UGT1A7: variants seen among roughly 807,000 people sequenced by gnomAD.
The protein encoded by UGT1A7 is UDP-glucuronosyltransferase 1A7.
UGT1A7 carries 33 observed loss-of-function variants against 45.6 expected under a neutral mutation model. That is an observed-to-expected ratio of 0.72 (90% CI 0.55 to 0.97). The LOEUF (loss-of-function observed/expected upper bound fraction) is 0.97, where lower values mean the gene tolerates loss of function less well. Among genes scored for constraint, UGT1A7 ranks in the 50% least tolerant of loss-of-function variants. UGT1A7 has a pLI of 0.00. For missense variants in UGT1A7, 684 were observed against 666.2 expected, an observed-to-expected ratio of 1.03 and a Z score of -0.29; for synonymous variants, 274 against 250.6, an observed-to-expected ratio of 1.09 and a Z score of -0.88.
chr2:233,723,516 CTTTTTT>C (rs1162916866), intron 1 of UGT1A7, among the ~76,000 whole-genome samples: 5 of 85,406 alleles, frequency 5.9e-5, no homozygotes, highest in African/African-American at 2.4e-4. Context: ...GGTCAACAAT[CTTTTTT>C]TTTTTTTTTT....
intron 1 of UGT1A7, among the ~76,000 whole-genome samples, chr2:233,739,383 G>A (rs1385341432): frequency 6.6e-6 from 1 of 152,210 alleles, no homozygotes; most frequent in South Asian, 2.1e-4. Context: ...GTGCCTGGAA[G>A]AGCCACAGAC....
chr2:233,702,819 G>A (rs1051674294), intron 1 of UGT1A7, among the ~76,000 whole-genome samples: 1 of 152,164 alleles, frequency 6.6e-6, no homozygotes, highest in Non-Finnish European at 1.5e-5. Flanking sequence ...CCACTTGATT[G>A]TGTTGTATAA....
At chr2:233,707,992 C>T (rs1304357209) in intron 1 of UGT1A7, among the ~76,000 whole-genome samples, 2 of 152,156 alleles carry the variant, frequency 1.3e-5, no homozygotes, top group Non-Finnish European at 2.9e-5. Flanking sequence ...GTTGTCTACT[C>T]GAATTATGTA....
In UGT1A7 at chr2:233,749,593, A is replaced by G. The variant is rs751828786; in HGVS notation, c.856-17441A>G. Among the ~76,000 whole-genome samples the G allele has an allele frequency of 2.6e-5, 4 of 151,948 alleles. No individual in the cohort carries two copies. In the South Asian group the frequency reaches 8.3e-4, roughly 32 times the overall value. On this transcript the variant is annotated intron_variant, in intron 1 of 4. Coordinates refer to ENST00000373426, the MANE Select transcript of UGT1A7 (RefSeq NM_019077.3). ...GGCCACTGACTCTGTCTCAACATGA[A>G]GTCACACTAGATTTATCATGATTTG... is the stretch of plus-strand genomic sequence containing the variant.
intron 1 of UGT1A7, chr2:233,755,047 C>T (rs1236246701): frequency 7.5e-7 from 1 of 1,329,234 alleles, no homozygotes; most frequent in Non-Finnish European, 1.0e-6. Context: ...GCGCAGCCGC[C>T]CTCCGCCCTC....
At chr2:233,725,334 T>G (rs2077438073) in intron 1 of UGT1A7, among the ~76,000 whole-genome samples, 1 of 108,502 alleles carries the variant, frequency 9.2e-6, no homozygotes, top group Admixed American at 9.8e-5. Context: ...TCAACAATCT[T>G]AAGTCCAATA....
intron 1 of UGT1A7, among the ~76,000 whole-genome samples, chr2:233,708,270 A>G (rs2076010926): frequency 6.6e-6 from 1 of 152,224 alleles, no homozygotes; most frequent in African/African-American, 2.4e-5. Flanking sequence ...TCCTTGCCAC[A>G]TGTATTATCA....
At chr2:233,713,441 A>G in intron 1 of UGT1A7, 1 of 1,614,120 alleles carries the variant, frequency 6.2e-7, no homozygotes, top group Non-Finnish European at 8.5e-7. Flanking sequence ...ATGTGGTTCT[A>G]ACAGACCCCT....
At chr2:233,760,529 T>C (rs1169787218) in intron 1 of UGT1A7, 1 of 1,614,248 alleles carries the variant, frequency 6.2e-7, no homozygotes, top group Middle Eastern at 1.6e-4. Flanking sequence ...ACGTACCCTG[T>C]GCCATTCCAA....
intron 1 of UGT1A7, among the ~76,000 whole-genome samples, chr2:233,731,393 G>C (rs558248956): frequency 2.0e-5 from 3 of 151,372 alleles, no homozygotes; most frequent in Admixed American, 1.3e-4. Flanking sequence ...CCACCAACTC[G>C]TCATTTACAT....
intron 1 of UGT1A7, chr2:233,718,821 A>G: frequency 1.2e-6 from 2 of 1,613,492 alleles, no homozygotes; most frequent in Non-Finnish European, 1.7e-6. Flanking sequence ...TTCTGCTGAG[A>G]TGGCCAGAGG....
intron 1 of UGT1A7, among the ~76,000 whole-genome samples, chr2:233,700,278 T>G (rs2075554509): frequency 6.6e-6 from 1 of 152,242 alleles, no homozygotes; most frequent in African/African-American, 2.4e-5. Flanking sequence ...AGGCACTTTT[T>G]AAAATACGTG....
chr2:233,729,580 G>A, intron 1 of UGT1A7: 1 of 1,614,110 alleles, frequency 6.2e-7, no homozygotes. Context: ...GGTTTTAACA[G>A]ACCCCGTTAA....
intron 1 of UGT1A7, chr2:233,747,395 C>CA (rs1422981033): frequency 1.9e-6 from 3 of 1,606,350 alleles, no homozygotes; most frequent in Non-Finnish European, 2.6e-6. Context: ...CGGTGGTCCT[C>CA]ACCCCAGAGG....
chr2:233,750,413 A>G, intron 1 of UGT1A7, among the ~76,000 whole-genome samples: 1 of 151,976 alleles, frequency 6.6e-6, no homozygotes, highest in East Asian at 1.9e-4. Context: ...ACCATGTGGT[A>G]GAAAAGAAAA....
intron 1 of UGT1A7, chr2:233,712,880 A>G (rs1299696609): frequency 5.6e-6 from 9 of 1,597,918 alleles, no homozygotes; most frequent in Admixed American, 1.7e-5. Flanking sequence ...TCTGTCTTCA[A>G]TTACATGTTG....
intron 1 of UGT1A7, among the ~76,000 whole-genome samples, chr2:233,710,616 A>C (rs1449107430): frequency 1.3e-5 from 2 of 152,084 alleles, no homozygotes; most frequent in African/African-American, 4.8e-5. Flanking sequence ...TTGTCTTCTT[A>C]TATTTGAGTA....
rs757573093 is a variant in UGT1A7, at chr2:233,682,788, C to T, written c.851C>T (p.Pro284Leu). ...AACTGTCATCAGGGAAAGCCAGTGC[C>T]TATGGTAAGTTATCTCCCCTTTAGC... ...GINCHQGKPV[P>L]MEFEAYINAS... Residue 284 changes from proline (P) to leucine (L), a missense_variant, in exon 1 of 5, where the codon CCT becomes CTT. Pro to Leu is a moderately conservative substitution (Grantham distance 98). Coordinates refer to ENST00000373426, the MANE Select transcript of UGT1A7 (RefSeq NM_019077.3). 1 of 1,611,896 alleles carries T rather than the reference C, an allele frequency of 6.2e-7. No individual in the cohort carries two copies. The highest frequency in any genetic ancestry group is 1.3e-5 in the African/African-American group (1 of 75,000).
chr2:233,691,378 G>C (rs1273404104), intron 1 of UGT1A7: 37 of 985,462 alleles, frequency 3.8e-5, no homozygotes, highest in Non-Finnish European at 4.3e-5. Flanking sequence ...TCCTGGTTAT[G>C]TTCCCCATGG....
Sources: allele counts gnomAD v4.1 joint callset (sites outside exome capture counted in the v4.1 genomes callset), GRCh38; gene constraint gnomAD v4.1.1; transcripts MANE v1.5; gene names NCBI Gene and HGNC (gene_info 2026-07-23, HGNC 2026-07-21).